Variants in SLC36A1 observed in about 807,000 individuals in gnomAD.
SLC36A1 encodes proton-coupled amino acid transporter 1.
In SLC36A1, 30 loss-of-function variants were observed where a neutral mutation model predicts 47.5. That is an observed-to-expected ratio of 0.63 (90% CI 0.47 to 0.86). SLC36A1 has a LOEUF of 0.86. Ranked by LOEUF, SLC36A1 falls within the 40% of genes least tolerant of loss-of-function variation. The pLI is 0.00. For missense variants in SLC36A1, 517 were observed against 606.0 expected, an observed-to-expected ratio of 0.85 and a Z score of 1.54; for synonymous variants, 255 against 249.7, an observed-to-expected ratio of 1.02 and a Z score of -0.20.
intron 7 of SLC36A1, 82 bp from the exon 8 acceptor site, chr5:151,473,591 C>A: frequency 2.3e-6 from 2 of 859,830 alleles, no homozygotes; most frequent in Non-Finnish European, 3.9e-6. Context: ...AAAGGTATGA[C>A]CTCTCCGATT....
chr5:151,347,633 G>A, the SLC36A1 span: 7 of 669,706 alleles, frequency 1.0e-5, no homozygotes, highest in Non-Finnish European at 1.8e-5. Context: ...ACCTCTTCCT[G>A]CCTGGAGAAG....
chr5:151,471,905 TTTTTA>T (rs1484879495), intron 7 of SLC36A1, among the ~76,000 whole-genome samples: 1 of 152,204 alleles, frequency 6.6e-6, no homozygotes, highest in Non-Finnish European at 1.5e-5. Flanking sequence ...TTAACATCAA[TTTTTA>T]TTTTAATTGA....
the SLC36A1 span, among the ~76,000 whole-genome samples, chr5:151,358,865 T>TC: frequency 2.7e-5 from 4 of 150,732 alleles, no homozygotes; most frequent in African/African-American, 9.8e-5. Flanking sequence ...TCCCAGCTAC[T>TC]CGGGAGGCTG....
the SLC36A1 span, chr5:151,527,901 G>A: frequency 6.7e-7 from 1 of 1,492,306 alleles, no homozygotes; most frequent in Non-Finnish European, 9.1e-7. Context: ...GAAGTTTCAG[G>A]ATGGGGTCTT....
the SLC36A1 span, among the ~76,000 whole-genome samples, chr5:151,548,770 C>G: frequency 6.6e-6 from 1 of 152,268 alleles, no homozygotes; most frequent in East Asian, 1.9e-4. Context: ...CGTGAGCCAC[C>G]GCATCTGGCC....
intron 7 of SLC36A1, among the ~76,000 whole-genome samples, chr5:151,468,296 T>A (rs1404764805): frequency 0.078 from 5,152 of 65,850 alleles, 339 homozygotes; most frequent in East Asian, 0.21. Flanking sequence ...TATATATATT[T>A]TATATATATA....
the SLC36A1 span, chr5:151,554,467 G>T: frequency 2.5e-6 from 4 of 1,614,106 alleles, no homozygotes; most frequent in South Asian, 2.2e-5. Context: ...CGATACTGTA[G>T]GTGACTCTGC....
the SLC36A1 span, chr5:151,507,242 A>G: frequency 2.5e-6 from 4 of 1,613,942 alleles, no homozygotes; most frequent in African/African-American, 5.3e-5. Flanking sequence ...TGGGGGGCAC[A>G]CTGCAGACCA....
chr5:151,411,720 C>CT, the SLC36A1 span, among the ~76,000 whole-genome samples: 1 of 144,476 alleles, frequency 6.9e-6, no homozygotes, highest in African/African-American at 2.5e-5. Flanking sequence ...CTAATAGTCT[C>CT]TTTTTCCCCC....
downstream of SLC36A1, among the ~76,000 whole-genome samples, chr5:151,493,770 G>A (rs552979124): frequency 5.3e-5 from 8 of 152,280 alleles, no homozygotes; most frequent in South Asian, 8.3e-4. Flanking sequence ...TTCCCAAGGC[G>A]CTGGCTGCCT....
At chr5:151,421,584 T>C in the SLC36A1 span, among the ~76,000 whole-genome samples, 6 of 149,214 alleles carry the variant, frequency 4.0e-5, no homozygotes, top group African/African-American at 7.6e-5. Flanking sequence ...TTCTTTCTTT[T>C]TTTTTTTTTG....
the SLC36A1 span, among the ~76,000 whole-genome samples, chr5:151,395,517 T>C: frequency 1.3e-5 from 2 of 152,226 alleles, no homozygotes; most frequent in South Asian, 4.1e-4. Context: ...AGCTGTAGAC[T>C]GGAGCTGTTG....
chr5:151,455,200 A>T (rs1754315968), intron 1 of SLC36A1, among the ~76,000 whole-genome samples: 2 of 152,116 alleles, frequency 1.3e-5, no homozygotes, highest in Non-Finnish European at 2.9e-5. Context: ...ACTTACTAGC[A>T]TGTGGGATGG....
the SLC36A1 span, among the ~76,000 whole-genome samples, chr5:151,536,042 T>C: frequency 6.6e-6 from 1 of 152,162 alleles, no homozygotes; most frequent in Non-Finnish European, 1.5e-5. Flanking sequence ...GTATTCTACT[T>C]TCATGAAGTA....
At chr5:151,540,861 G>A in the SLC36A1 span, 1 of 1,121,784 alleles carries the variant, frequency 8.9e-7, no homozygotes, top group South Asian at 1.6e-5. Flanking sequence ...TTTTAGAATT[G>A]TTGGGAAAGC....
At chr5:151,525,830 A>G in the SLC36A1 span, 1 of 1,614,026 alleles carries the variant, frequency 6.2e-7, no homozygotes, top group Non-Finnish European at 8.5e-7. Flanking sequence ...GTCACCAGCC[A>G]TCCATCCGGG....
chr5:151,415,510 C>T, the SLC36A1 span, among the ~76,000 whole-genome samples: 1 of 152,200 alleles, frequency 6.6e-6, no homozygotes, highest in African/African-American at 2.4e-5. Context: ...ACTTACCCTT[C>T]AACTCGTAGC....
intron 1 of SLC36A1, among the ~76,000 whole-genome samples, chr5:151,449,237 C>G (rs762597662): frequency 6.6e-6 from 1 of 152,224 alleles, no homozygotes; most frequent in African/African-American, 2.4e-5. Context: ...ATACTAACAG[C>G]TGAAAATGAT....
At chr5:151,510,189 AG>A in the SLC36A1 span, 2 of 1,613,680 alleles carry the variant, frequency 1.2e-6, no homozygotes, top group Non-Finnish European at 1.7e-6. Flanking sequence ...GAGAAAAAGA[AG>A]GGAGGTGAGA....
Sources: gnomAD v4.1 joint callset for allele counts (sites outside exome capture counted in the v4.1 genomes callset) on GRCh38, gnomAD v4.1.1 for gene constraint, MANE v1.5 for transcripts, NCBI Gene and HGNC (gene_info 2026-07-23, HGNC 2026-07-21) for gene names.